The following NAALADL2 variants were observed in gnomAD, a reference collection of about 807,000 sequenced individuals.
NAALADL2 encodes the protein N-acetylated alpha-linked acidic dipeptidase like 2.
Under a neutral mutation model 87.2 loss-of-function variants are expected in NAALADL2, and 76 were observed. The ratio of observed to expected loss-of-function variants is 0.87; its 90% CI spans 0.72 to 1.05. The LOEUF is 1.05. NAALADL2 is among the 50% of genes least tolerant of loss of function. The pLI, the probability that NAALADL2 is intolerant of heterozygous loss-of-function variation, is 0.00. For missense variants in NAALADL2, 1,089 were observed against 945.8 expected, an observed-to-expected ratio of 1.15 and a Z score of -1.99; for synonymous variants, 354 against 331.0, an observed-to-expected ratio of 1.07 and a Z score of -0.75.
At chr3:175,762,579 G>A (rs1748167505) in intron 13 of NAALADL2, among the ~76,000 whole-genome samples, 1 of 151,918 alleles carries the variant, frequency 6.6e-6, no homozygotes, top group Non-Finnish European at 1.5e-5. Context: ...CCCCCATATC[G>A]CTATTAACCA....
chr3:174,462,707 A>T (rs948317526), intron 1 of NAALADL2, among the ~76,000 whole-genome samples: 9 of 152,200 alleles, frequency 5.9e-5, no homozygotes, highest in African/African-American at 2.4e-5. Context: ...AAGTGAAAGT[A>T]GGAAAAGTTG....
intron 2 of NAALADL2, among the ~76,000 whole-genome samples, chr3:174,594,170 C>A (rs1717655541): frequency 6.6e-6 from 1 of 152,092 alleles, no homozygotes; most frequent in East Asian, 1.9e-4. Flanking sequence ...AATACTTGGG[C>A]ATAATAATTG....
At chr3:175,724,814 A>AT (rs1340227265) in intron 11 of NAALADL2, among the ~76,000 whole-genome samples, 1 of 152,038 alleles carries the variant, frequency 6.6e-6, no homozygotes, top group Non-Finnish European at 1.5e-5. Context: ...CCAAGATAAT[A>AT]TTTTTTAAAA....
intron 5 of NAALADL2, among the ~76,000 whole-genome samples, chr3:175,360,585 G>A (rs1447678322): frequency 2.0e-5 from 3 of 151,884 alleles, no homozygotes; most frequent in Non-Finnish European, 4.4e-5. Context: ...CAGCAAATTT[G>A]GAAATTATTT....
At chr3:175,744,698 G>A (rs974517253) in intron 12 of NAALADL2, among the ~76,000 whole-genome samples, 100 of 152,150 alleles carry the variant, frequency 6.6e-4, no homozygotes, top group African/African-American at 2.2e-3. Context: ...TTCTATTTTA[G>A]TTATGCCTTA....
In NAALADL2 at chr3:174,834,117, A is replaced by G. The variant is rs191270489; in HGVS notation, c.-9+96371A>G. Among the ~76,000 whole-genome samples the G allele has an allele frequency of 4.7e-5, 7 of 149,402 alleles. No homozygotes were observed. The South Asian group carries it at 6.3e-4, about 13-fold the overall frequency. On this transcript the variant is annotated intron_variant, in intron 3 of 3. Coordinates refer to the NAALADL2 transcript ENST00000434257. ...AAGAAGCAAACTGTGACATGTTAAA[A>G]GCAGGATTTATTCCCAAATGCAAGT...
chr3:174,445,613 C>T (rs1353005018), intron 1 of NAALADL2, among the ~76,000 whole-genome samples: 1 of 152,100 alleles, frequency 6.6e-6, no homozygotes, highest in Admixed American at 6.5e-5. Flanking sequence ...TCCCCTTCTA[C>T]CTCTCTTTCC....
chr3:175,230,818 A>G (rs1178351105), intron 2 of NAALADL2, among the ~76,000 whole-genome samples: 2 of 152,122 alleles, frequency 1.3e-5, no homozygotes, highest in Non-Finnish European at 2.9e-5. Flanking sequence ...TCATAAAAAG[A>G]TGGCAAGAGT....
intron 2 of NAALADL2, among the ~76,000 whole-genome samples, chr3:174,633,179 A>T (rs972867402): frequency 2.0e-5 from 3 of 150,558 alleles, no homozygotes; most frequent in South Asian, 4.3e-4. Context: ...TCCAGAGAAC[A>T]AAAAAAAACA....
chr3:175,439,202 A>G (rs1176607424), intron 5 of NAALADL2, among the ~76,000 whole-genome samples: 1 of 152,136 alleles, frequency 6.6e-6, no homozygotes, highest in Non-Finnish European at 1.5e-5. Context: ...ATTGTTGAGT[A>G]GTATTCCGTG....
chr3:175,576,238 G>T (rs1718873125), intron 10 of NAALADL2, 51 bp downstream of exon 10: 4 of 1,508,402 alleles, frequency 2.7e-6, no homozygotes, highest in Non-Finnish European at 3.6e-6. Context: ...TAGTAGACCT[G>T]CAGAATTTGA....
At chr3:175,484,035 A>G (rs950794563) in intron 9 of NAALADL2, among the ~76,000 whole-genome samples, 6 of 152,108 alleles carry the variant, frequency 3.9e-5, no homozygotes, top group African/African-American at 1.4e-4. Context: ...ACAGTTTAGT[A>G]GAAGGACCAC....
chr3:175,223,459 G>T (rs1174677615), intron 2 of NAALADL2, among the ~76,000 whole-genome samples: 1 of 151,696 alleles, frequency 6.6e-6, no homozygotes, highest in African/African-American at 2.4e-5. Flanking sequence ...CAAATGGCAA[G>T]ATTCCTTTAT....
intron 5 of NAALADL2, among the ~76,000 whole-genome samples, chr3:175,433,528 C>T (rs1290479919): frequency 1.3e-4 from 20 of 151,988 alleles, no homozygotes; most frequent in Admixed American, 6.6e-5. Context: ...TTAACAGGAC[C>T]ATTAGCGCTA....
At chr3:175,344,276 T>A (rs1030515528) in intron 5 of NAALADL2, among the ~76,000 whole-genome samples, 35 of 152,078 alleles carry the variant, frequency 2.3e-4, no homozygotes, top group African/African-American at 8.2e-4. Context: ...TTGACTTACA[T>A]CCACCTTTTC....
intron 10 of NAALADL2, among the ~76,000 whole-genome samples, chr3:175,622,608 C>T (rs1339104424): frequency 6.6e-6 from 1 of 152,102 alleles, no homozygotes; most frequent in Non-Finnish European, 1.5e-5. Flanking sequence ...CTGCCACTTA[C>T]TAGCAGAATC....
At chr3:175,317,122 T>C (rs1759247144) in intron 4 of NAALADL2, among the ~76,000 whole-genome samples, 1 of 152,116 alleles carries the variant, frequency 6.6e-6, no homozygotes, top group Non-Finnish European at 1.5e-5. Flanking sequence ...TTATAGGCCA[T>C]CAGCTATAGA....
At chr3:175,289,111 A>G (rs558655616) in intron 4 of NAALADL2, among the ~76,000 whole-genome samples, 1 of 146,520 alleles carries the variant, frequency 6.8e-6, no homozygotes, top group Non-Finnish European at 1.5e-5. Flanking sequence ...TAAATATTAA[A>G]TTTGTAATTT....
chr3:175,695,071 G>GAAATAAA (rs1737564745), intron 11 of NAALADL2, among the ~76,000 whole-genome samples: 1 of 136,314 alleles, frequency 7.3e-6, no homozygotes. Flanking sequence ...ATAGGTGCTT[G>GAAATAAA]AAAAAAAAAA....
Sources: gnomAD v4.1 joint callset for allele counts (sites outside exome capture counted in the v4.1 genomes callset) on GRCh38, gnomAD v4.1.1 for gene constraint, MANE v1.5 for transcripts, NCBI Gene and HGNC (gene_info 2026-07-23, HGNC 2026-07-21) for gene names.